KCNIP4: variants seen among roughly 807,000 people sequenced by gnomAD.
KCNIP4 encodes the protein Kv channel-interacting protein 4.
In KCNIP4, 12 loss-of-function variants were observed where a neutral mutation model predicts 34.0. The observed-to-expected ratio is 0.35, with a 90% CI of 0.23 to 0.57. The LOEUF (loss-of-function observed/expected upper bound fraction) is 0.57, where lower values mean the gene tolerates loss of function less well. Among genes scored for constraint, KCNIP4 ranks in the 20% least tolerant of loss-of-function variants. The probability of loss-of-function intolerance (pLI) is 0.83; values close to 1 mark genes in which losing one functional copy is unlikely to be tolerated. For synonymous variants in KCNIP4, 124 were observed against 102.2 expected (o/e 1.21, Z -1.29); for missense variants, 238 against 311.7 (o/e 0.76, Z 1.78).
intron 2 of KCNIP4, among the ~76,000 whole-genome samples, chr4:20,864,065 T>C (rs1056111742): frequency 2.7e-5 from 4 of 149,362 alleles, no homozygotes; most frequent in Non-Finnish European, 6.0e-5. Flanking sequence ...TACACATGTA[T>C]GTATACGTAT....
At chr4:21,158,356 A>G (rs984816146) in intron 1 of KCNIP4, among the ~76,000 whole-genome samples, 22 of 152,294 alleles carry the variant, frequency 1.4e-4, no homozygotes, top group Non-Finnish European at 1.6e-4. Context: ...CAAATAAAAA[A>G]AAATACAGAG....
chr4:20,925,307 G>T (rs917117052), intron 1 of KCNIP4, among the ~76,000 whole-genome samples: 13 of 152,078 alleles, frequency 8.5e-5, no homozygotes, highest in African/African-American at 2.4e-5. Flanking sequence ...TTCCCAGATG[G>T]TTAGGGCATT....
chr4:21,749,897 A>T (rs1459273), intron 1 of KCNIP4, among the ~76,000 whole-genome samples: 113,544 of 152,134 alleles, frequency 0.75, 44,117 homozygotes, highest in African/African-American at 0.91. Context: ...AGTCTAAGTT[A>T]CTTAATTCCA....
At chr4:20,819,580 A>T (rs541169879) in intron 3 of KCNIP4, among the ~76,000 whole-genome samples, 7 of 152,320 alleles carry the variant, frequency 4.6e-5, no homozygotes, top group Admixed American at 4.6e-4. Flanking sequence ...TCAGAGAATG[A>T]TGGGTTGTTA....
chr4:21,135,773 AC>A (rs1183691949), intron 1 of KCNIP4, among the ~76,000 whole-genome samples: 1 of 152,186 alleles, frequency 6.6e-6, no homozygotes, highest in Non-Finnish European at 1.5e-5. Flanking sequence ...ACACAGGTTT[AC>A]CCAGGCTCTG....
chr4:21,449,366 T>C (rs1486489769), intron 1 of KCNIP4, among the ~76,000 whole-genome samples: 1 of 152,130 alleles, frequency 6.6e-6, no homozygotes, highest in African/African-American at 2.4e-5. Flanking sequence ...GTTCCAGAGA[T>C]AGAAAAGAAT....
rs1214085459 is a variant in KCNIP4, at chr4:21,888,763, T to C, written c.61+59808A>G. Among the ~76,000 whole-genome samples, 8 of 152,248 alleles carry C rather than the reference T, an allele frequency of 5.3e-5. No individual in the cohort carries two copies. In the East Asian group the frequency reaches 1.5e-3, roughly 29 times the overall value. ...AGCTGGCCTACAGCTACTGTCTTCA[T>C]GACTCACATAACTGCTCAAGGCTTT... On this transcript the variant is annotated intron_variant, in intron 1 of 8. Coordinates refer to ENST00000382152, the MANE Select transcript of KCNIP4 (RefSeq NM_025221.6).
At chr4:20,837,683 TA>T (rs1425570289) in intron 3 of KCNIP4, among the ~76,000 whole-genome samples, 5,394 of 103,428 alleles carry the variant, frequency 0.052, 166 homozygotes, top group African/African-American at 0.1. Context: ...TATATATATA[TA>T]TATTTTTTTT....
chr4:21,792,653 T>C (rs143323645), intron 1 of KCNIP4, among the ~76,000 whole-genome samples: 30 of 152,218 alleles, frequency 2.0e-4, no homozygotes, highest in African/African-American at 7.0e-4. Flanking sequence ...CAGCTGGGCA[T>C]TTTGGAGATG....
chr4:21,424,458 G>A (rs1725768371), intron 1 of KCNIP4, among the ~76,000 whole-genome samples: 1 of 151,962 alleles, frequency 6.6e-6, no homozygotes, highest in African/African-American at 2.4e-5. Flanking sequence ...TGTAATCCCA[G>A]CTACTCAGGA....
intron 1 of KCNIP4, among the ~76,000 whole-genome samples, chr4:20,895,088 G>C (rs1726359085): frequency 6.6e-6 from 1 of 152,176 alleles, no homozygotes. Context: ...TCTAGCTCCT[G>C]GGTCTGACAT....
intron 1 of KCNIP4, among the ~76,000 whole-genome samples, chr4:21,370,800 AATATATATATATATATATATATATATAT>A (rs1173506757): frequency 0.042 from 754 of 17,994 alleles, 136 homozygotes; most frequent in African/African-American, 0.15. Context: ...CATGGATTGA[AATATATATATATATATATATATATATAT>A]ATATATATAT....
intron 1 of KCNIP4, among the ~76,000 whole-genome samples, chr4:21,143,529 T>C (rs1297264165): frequency 1.3e-5 from 2 of 152,094 alleles, no homozygotes; most frequent in Non-Finnish European, 1.5e-5. Flanking sequence ...TTTGGCCTTA[T>C]GAAACCCAGT....
At chr4:20,933,742 GA>G (rs71181601) in intron 1 of KCNIP4, among the ~76,000 whole-genome samples, 75 of 145,450 alleles carry the variant, frequency 5.2e-4, no homozygotes, top group South Asian at 2.8e-3. Context: ...AGCTGAAAAA[GA>G]AAAAAAAAAA....
intron 1 of KCNIP4, among the ~76,000 whole-genome samples, chr4:21,148,733 A>C (rs2109237600): frequency 6.6e-6 from 1 of 152,148 alleles, no homozygotes; most frequent in South Asian, 2.1e-4. Flanking sequence ...AGGCCAAGTA[A>C]AGTGACAAAT....
At chr4:21,651,210 G>C (rs962845251) in intron 1 of KCNIP4, among the ~76,000 whole-genome samples, 1 of 152,158 alleles carries the variant, frequency 6.6e-6, no homozygotes, top group Non-Finnish European at 1.5e-5. Context: ...TTCTACAAGA[G>C]CATGGTTCAT....
At chr4:21,250,131 T>TTTTTC (rs1560215321) in intron 1 of KCNIP4, among the ~76,000 whole-genome samples, 15 of 150,474 alleles carry the variant, frequency 1.0e-4, no homozygotes, top group African/African-American at 3.7e-4. Flanking sequence ...TTTTTTTTTT[T>TTTTTC]CCCCCAGGAA....
rs113816603 is a variant in KCNIP4 at position 21,063,007 on chromosome 4, T to C, written c.62-180298A>G. ...CCCATGGCCCAGTCAAGTTAACACA[T>C]AAAATTAATCATCAAAACTGATGTT... is the stretch of plus-strand genomic sequence containing the variant. On this transcript the variant is annotated intron_variant, in intron 1 of 8. Coordinates refer to ENST00000382152, the MANE Select transcript of KCNIP4 (RefSeq NM_025221.6). Among the ~76,000 whole-genome samples, 649 of 152,204 alleles carry C rather than the reference T, an allele frequency of 4.3e-3. 3 individuals carry two copies. Among genetic ancestry groups the C allele is most frequent in the African/African-American group, 0.015 (619 of 41,534 alleles).
Position 21,935,350 on chromosome 4 carries a change from T to C in KCNIP4, c.61+13221A>G, listed in dbSNP as rs184348870. On this transcript the variant is annotated intron_variant, in intron 1 of 8. Transcript: ENST00000382152. Reference sequence around the variant, plus strand: ...CATCACTTTGATTATGCCATTATTGTCCTCAGAAACCTTAAATGCCTACCC... The same window carrying C: ...CATCACTTTGATTATGCCATTATTGCCCTCAGAAACCTTAAATGCCTACCC... Among the ~76,000 whole-genome samples, 25 of 152,208 alleles carry C rather than the reference T, an allele frequency of 1.6e-4. No homozygotes were observed. In the East Asian group the frequency reaches 3.9e-3, roughly 24 times the overall value.
Sources: gnomAD v4.1 joint callset for allele counts (sites outside exome capture counted in the v4.1 genomes callset) on GRCh38, gnomAD v4.1.1 for gene constraint, MANE v1.5 for transcripts, NCBI Gene and HGNC (gene_info 2026-07-23, HGNC 2026-07-21) for gene names.